The following XRCC4 variants were observed in gnomAD, a reference collection of about 807,000 sequenced individuals.
XRCC4 encodes the protein DNA repair protein XRCC4.
In XRCC4, 28 loss-of-function variants were observed where a neutral mutation model predicts 39.1. That is an observed-to-expected ratio of 0.72 (90% confidence interval 0.53 to 0.98). XRCC4 has a LOEUF of 0.98. Among genes scored for constraint, XRCC4 ranks in the 50% least tolerant of loss-of-function variants. The probability of loss-of-function intolerance (pLI) is 0.00; values close to 1 mark genes in which losing one functional copy is unlikely to be tolerated. For synonymous variants in XRCC4, 123 were observed against 126.4 expected (o/e 0.97, Z 0.18); for missense variants, 350 against 376.4 (o/e 0.93, Z 0.58).
chr5:83,230,166 T>C (rs1752446360), intron 6 of XRCC4, among the ~76,000 whole-genome samples: 1 of 152,064 alleles, frequency 6.6e-6, no homozygotes, highest in Admixed American at 6.6e-5. Flanking sequence ...ACAATTTTAA[T>C]GGTTTCAAGT....
intron 3 of XRCC4, among the ~76,000 whole-genome samples, chr5:83,158,167 C>T (rs1352834042): frequency 6.6e-6 from 1 of 151,982 alleles, no homozygotes; most frequent in Non-Finnish European, 1.5e-5. Flanking sequence ...GAGGTGATGG[C>T]GTTTCTACCA....
intron 3 of XRCC4, among the ~76,000 whole-genome samples, chr5:83,112,494 A>C (rs991299442): frequency 6.6e-6 from 1 of 152,244 alleles, no homozygotes; most frequent in African/African-American, 2.4e-5. Context: ...TTAGTGAGGT[A>C]CATTTTAGAA....
rs1178079859 is a variant in XRCC4 at position 83,187,092 on chromosome 5, C to T, written c.316-8678C>T. ...CCGAGTAGCCGGGACCACAGGCGCC[C>T]GCCACCACGCCCGGCTAATTTTTTG... On this transcript the variant is annotated intron_variant, in intron 3 of 7. Transcript: ENST00000396027. Among the ~76,000 whole-genome samples, 5 of 107,124 alleles carry T rather than the reference C, an allele frequency of 4.7e-5. 2 individuals are homozygous for T. The highest frequency in any genetic ancestry group is 8.0e-5 in the African/African-American group (2 of 24,908). 70.3% of individuals were successfully genotyped at this position (107,124 alleles called of 152,430 possible).
rs185881076 is a variant in XRCC4, at chr5:83,240,224, G to C, written c.746-18306G>C. ...AAAAATATAGGACATATTCAAGGAA[G>C]GGGGAGAGGCTGTGTGACTGACTCA... On this transcript the variant is annotated intron_variant, in intron 6 of 7. Coordinates refer to ENST00000396027, the MANE Select transcript of XRCC4 (RefSeq NM_003401.5). Among the ~76,000 whole-genome samples, 193 of 152,256 alleles carry C rather than the reference G, an allele frequency of 1.3e-3. No homozygotes were observed. In the Middle Eastern group the frequency reaches 0.014, roughly 11 times the overall value.
chr5:83,274,043 A>G (rs1754237788), intron 7 of XRCC4, among the ~76,000 whole-genome samples: 1 of 152,138 alleles, frequency 6.6e-6, no homozygotes, highest in South Asian at 2.1e-4. Context: ...CCTCAATATT[A>G]TAATTTCTAA....
intron 6 of XRCC4, among the ~76,000 whole-genome samples, chr5:83,246,268 G>T (rs1249042120): frequency 6.6e-6 from 1 of 151,986 alleles, no homozygotes; most frequent in African/African-American, 2.4e-5. Context: ...CCTTGGCTAA[G>T]ATATCTGGTA....
At chr5:83,078,692 T>C (rs1276316982) in intron 1 of XRCC4, among the ~76,000 whole-genome samples, 2 of 152,248 alleles carry the variant, frequency 1.3e-5, no homozygotes, top group Non-Finnish European at 2.9e-5. Context: ...GTTGGTCAAA[T>C]ACACAAATTA....
chr5:83,315,254 G>A (rs1400852726), intron 7 of XRCC4, among the ~76,000 whole-genome samples: 7 of 152,096 alleles, frequency 4.6e-5, no homozygotes, highest in Non-Finnish European at 1.5e-5. Context: ...AAGGCTGAGA[G>A]AGGTGAGGAA....
intron 7 of XRCC4, among the ~76,000 whole-genome samples, chr5:83,340,511 G>C (rs1273378470): frequency 6.6e-6 from 1 of 152,102 alleles, no homozygotes; most frequent in Non-Finnish European, 1.5e-5. Context: ...CAGAGGAAGA[G>C]ATAAGACTAA....
intron 6 of XRCC4, among the ~76,000 whole-genome samples, chr5:83,242,009 G>T (rs1216356119): frequency 6.6e-6 from 1 of 151,814 alleles, no homozygotes; most frequent in Non-Finnish European, 1.5e-5. Flanking sequence ...TGCTGTCTCA[G>T]GGTGGCAGAG....
At chr5:83,310,748 T>G (rs561774142) in intron 7 of XRCC4, 6 of 456,272 alleles carry the variant, frequency 1.3e-5, no homozygotes, top group African/African-American at 1.0e-4. Context: ...TTCTGGATTA[T>G]CTGGATGAAC....
chr5:83,087,569 A>G (rs11958707), intron 1 of XRCC4, among the ~76,000 whole-genome samples: 1,994 of 152,110 alleles, frequency 0.013, 41 homozygotes, highest in African/African-American at 0.045. Flanking sequence ...AGGCTGAGGC[A>G]GGGGAATCAC....
At chr5:83,094,541 C>T (rs1745585903) in intron 1 of XRCC4, among the ~76,000 whole-genome samples, 1 of 151,640 alleles carries the variant, frequency 6.6e-6, no homozygotes, top group African/African-American at 2.4e-5. Flanking sequence ...CTTCCTATTT[C>T]ATTTTTCAGT....
At chr5:83,100,787 A>G (rs1279338609) in intron 1 of XRCC4, among the ~76,000 whole-genome samples, 1 of 130,908 alleles carries the variant, frequency 7.6e-6, no homozygotes, top group Admixed American at 7.3e-5. Flanking sequence ...GTCTTTTTCA[A>G]TGATTGGCAT....
intron 6 of XRCC4, among the ~76,000 whole-genome samples, chr5:83,254,457 A>G (rs1753451408): frequency 6.6e-6 from 1 of 152,286 alleles, no homozygotes; most frequent in South Asian, 2.1e-4. Context: ...CATATCTAAA[A>G]TGAATACATA....
At position 83,205,691 on chromosome 5, in the gene XRCC4, G is replaced by T. The variant is rs574521679; in HGVS notation, c.745+770G>T. 1.3e-3 allele frequency among the ~76,000 whole-genome samples: 204 copies of T among 152,182 alleles called. 1 individual carries two copies. The highest frequency in any genetic ancestry group is 4.7e-3 in the African/African-American group (196 of 41,544). On this transcript the variant is annotated intron_variant, in intron 6 of 7. Coordinates refer to ENST00000396027, the MANE Select transcript of XRCC4 (RefSeq NM_003401.5). ...TAGACAGCAAAACACAAAAATCTGTGCCATTGTGGAGTTTAAATTGTAGTC... is the reference window on the plus strand; with the variant it reads ...TAGACAGCAAAACACAAAAATCTGTTCCATTGTGGAGTTTAAATTGTAGTC...
intron 3 of XRCC4, among the ~76,000 whole-genome samples, chr5:83,176,820 C>G (rs1369877857): frequency 6.6e-6 from 1 of 152,028 alleles, no homozygotes; most frequent in Non-Finnish European, 1.5e-5. Flanking sequence ...TGGGGTTTCG[C>G]CATGTTGGCC....
chr5:83,246,892 A>T (rs567916246), intron 6 of XRCC4, among the ~76,000 whole-genome samples: 80 of 152,298 alleles, frequency 5.3e-4, no homozygotes, highest in African/African-American at 1.8e-3. Flanking sequence ...TGATGTCCCC[A>T]CTTCCAGTTT....
At chr5:83,097,431 T>C (rs1011979) in intron 1 of XRCC4, among the ~76,000 whole-genome samples, 74,348 of 151,116 alleles carry the variant, frequency 0.49, 19,191 homozygotes, top group African/African-American at 0.64. Context: ...GGCAGATAAA[T>C]GGGTGCGGTT....
Sources: allele counts gnomAD v4.1 joint callset (sites outside exome capture counted in the v4.1 genomes callset), GRCh38; gene constraint gnomAD v4.1.1; transcripts MANE v1.5; gene names NCBI Gene and HGNC (gene_info 2026-07-23, HGNC 2026-07-21).